DPP6: variants seen among roughly 807,000 people sequenced by gnomAD.
The protein encoded by DPP6 is A-type potassium channel modulatory protein DPP6.
DPP6 carries 69 observed loss-of-function variants against 122.6 expected under a neutral mutation model. That is an observed-to-expected ratio of 0.56 (90% CI 0.46 to 0.69). The LOEUF is 0.69. Among genes scored for constraint, DPP6 ranks in the 30% least tolerant of loss-of-function variants. The pLI, the probability that DPP6 is intolerant of heterozygous loss-of-function variation, is 0.00. For synonymous variants in DPP6, 418 were observed against 433.1 expected, an observed-to-expected ratio of 0.97 and a Z score of 0.43; for missense variants, 928 against 1,116.9, an observed-to-expected ratio of 0.83 and a Z score of 2.41.
chr7:154,715,520 T>C (rs1185299379), intron 7 of DPP6, among the ~76,000 whole-genome samples: 1 of 152,186 alleles, frequency 6.6e-6, no homozygotes, highest in Non-Finnish European at 1.5e-5. Context: ...GCAGATGAAG[T>C]GGGATTGTGA....
At chr7:153,897,573 C>T (rs939969273) in intron 1 of DPP6, among the ~76,000 whole-genome samples, 1 of 152,214 alleles carries the variant, frequency 6.6e-6, no homozygotes, top group African/African-American at 2.4e-5. Flanking sequence ...CACATGACAA[C>T]CTTTCAAGTA....
chr7:154,706,939 T>A (rs1840862982), intron 7 of DPP6, among the ~76,000 whole-genome samples: 1 of 152,202 alleles, frequency 6.6e-6, no homozygotes, highest in African/African-American at 2.4e-5. Flanking sequence ...TTTTGGTTGA[T>A]GTTTTGAAAG....
intron 7 of DPP6, among the ~76,000 whole-genome samples, chr7:154,716,473 C>G (rs1841489759): frequency 6.6e-6 from 1 of 152,188 alleles, no homozygotes. Context: ...CAACTCTCTC[C>G]CATGCACACC....
chr7:153,803,502 C>G, the DPP6 span, among the ~76,000 whole-genome samples: 567 of 152,058 alleles, frequency 3.7e-3, 3 homozygotes, highest in Non-Finnish European at 6.2e-3. Flanking sequence ...TCTTCTCTAG[C>G]CCTTGGACTC....
intron 8 of DPP6, among the ~76,000 whole-genome samples, chr7:154,747,113 T>TG (rs1275445254): frequency 6.6e-6 from 1 of 152,228 alleles, no homozygotes; most frequent in Non-Finnish European, 1.5e-5. Flanking sequence ...GAGCTCACTC[T>TG]GAGTAATCAC....
intron 1 of DPP6, among the ~76,000 whole-genome samples, chr7:154,139,140 T>C (rs1268226228): frequency 3.3e-5 from 5 of 151,484 alleles, no homozygotes; most frequent in East Asian, 1.9e-4. Flanking sequence ...AAGAGGGGAT[T>C]TATCAGAGGA....
intron 6 of DPP6, among the ~76,000 whole-genome samples, chr7:154,666,607 CCTGT>C (rs1838182868): frequency 6.6e-6 from 1 of 152,076 alleles, no homozygotes; most frequent in Non-Finnish European, 1.5e-5. Flanking sequence ...ACTTATTCCT[CCTGT>C]CTAACTGAAA....
At chr7:154,656,520 G>A (rs1479716391) in intron 6 of DPP6, among the ~76,000 whole-genome samples, 1 of 152,154 alleles carries the variant, frequency 6.6e-6, no homozygotes, top group Non-Finnish European at 1.5e-5. Flanking sequence ...ACGGACTTTG[G>A]CACCTCGATG....
At chr7:154,592,711 G>A (rs998964635) in intron 5 of DPP6, among the ~76,000 whole-genome samples, 2 of 152,138 alleles carry the variant, frequency 1.3e-5, no homozygotes, top group Non-Finnish European at 2.9e-5. Context: ...TCAGGGTGGA[G>A]GGACAGGGAG....
intron 1 of DPP6, among the ~76,000 whole-genome samples, chr7:154,140,678 A>G (rs958999302): frequency 2.6e-5 from 4 of 152,164 alleles, no homozygotes; most frequent in African/African-American, 7.2e-5. Context: ...TCTATACACA[A>G]TAACCTGAAT....
At chr7:154,554,447 C>A (rs947425004) in intron 4 of DPP6, among the ~76,000 whole-genome samples, 5 of 152,080 alleles carry the variant, frequency 3.3e-5, no homozygotes, top group Admixed American at 1.3e-4. Context: ...CCTTCCATTA[C>A]TTGACAAATT....
At chr7:154,185,115 T>C (rs1255164090) in intron 1 of DPP6, among the ~76,000 whole-genome samples, 1 of 152,240 alleles carries the variant, frequency 6.6e-6, no homozygotes, top group Non-Finnish European at 1.5e-5. Flanking sequence ...TCTCAGTCTT[T>C]GCATTGTACT....
Position 154,008,841 on chromosome 7 carries a change from A to G in DPP6, c.51+121107A>G, listed in dbSNP as rs1352891378. On this transcript the variant is annotated intron_variant, in intron 1 of 25. Coordinates refer to the DPP6 transcript ENST00000404039. ...TACGCCCGGCTAATTTTTTTTTTGTATTTTTAGTAGAGACGGGGTTTCACC... is the reference window on the plus strand; with the variant it reads ...TACGCCCGGCTAATTTTTTTTTTGTGTTTTTAGTAGAGACGGGGTTTCACC... Among the ~76,000 whole-genome samples, 709 of 148,784 alleles carry G rather than the reference A, an allele frequency of 4.8e-3. 4 individuals are homozygous for G. The highest frequency in any genetic ancestry group is 8.6e-3 in the Non-Finnish European group (577 of 67,150).
chr7:154,611,190 G>C (rs1488193722), intron 5 of DPP6, among the ~76,000 whole-genome samples: 1 of 152,116 alleles, frequency 6.6e-6, no homozygotes, highest in African/African-American at 2.4e-5. Context: ...TTTTGACAAT[G>C]AACAGTTCTA....
At chr7:154,612,411 T>C (rs1208040266) in intron 5 of DPP6, among the ~76,000 whole-genome samples, 1 of 152,254 alleles carries the variant, frequency 6.6e-6, no homozygotes, top group Non-Finnish European at 1.5e-5. Context: ...TTATAAAATA[T>C]GTAACCTTGT....
intron 1 of DPP6, among the ~76,000 whole-genome samples, chr7:154,121,219 G>A (rs889738975): frequency 6.6e-6 from 1 of 152,172 alleles, no homozygotes; most frequent in Non-Finnish European, 1.5e-5. Context: ...GCATGAGAAC[G>A]GACTAATCCG....
intron 1 of DPP6, among the ~76,000 whole-genome samples, chr7:154,008,688 G>A (rs1341141364): frequency 2.9e-5 from 4 of 137,870 alleles, no homozygotes; most frequent in Non-Finnish European, 6.1e-5. Flanking sequence ...TTGAGACGGA[G>A]TCTCGCTCTG....
chr7:153,845,538 T>C, the DPP6 span, among the ~76,000 whole-genome samples: 4 of 152,114 alleles, frequency 2.6e-5, no homozygotes, highest in Admixed American at 2.6e-4. Context: ...TTTTTTTACA[T>C]TTCATCTAAA....
intron 1 of DPP6, among the ~76,000 whole-genome samples, chr7:154,127,717 C>T: frequency 6.7e-6 from 1 of 149,524 alleles, no homozygotes; most frequent in Middle Eastern, 3.2e-3. Flanking sequence ...TCATTCTTTC[C>T]AATGGCATCG....
Sources: allele counts gnomAD v4.1 joint callset (sites outside exome capture counted in the v4.1 genomes callset), GRCh38; gene constraint gnomAD v4.1.1; transcripts MANE v1.5; gene names NCBI Gene and HGNC (gene_info 2026-07-23, HGNC 2026-07-21).